PDE1A: variants seen among roughly 807,000 people sequenced by gnomAD.
PDE1A encodes phosphodiesterase 1A.
PDE1A carries 35 observed loss-of-function variants against 61.7 expected under a neutral mutation model. The observed-to-expected ratio is 0.57, with a 90% CI of 0.43 to 0.75. PDE1A has a LOEUF of 0.75. PDE1A is among the 30% of genes least tolerant of loss of function. The probability of loss-of-function intolerance (pLI) is 0.00; values close to 1 mark genes in which losing one functional copy is unlikely to be tolerated. For missense variants in PDE1A, 597 were observed against 630.6 expected, an observed-to-expected ratio of 0.95 and a Z score of 0.57; for synonymous variants, 232 against 213.2, an observed-to-expected ratio of 1.09 and a Z score of -0.77.
chr2:182,345,720 T>A (rs864417), intron 1 of PDE1A, among the ~76,000 whole-genome samples: 62,717 of 151,934 alleles, frequency 0.41, 13,797 homozygotes, highest in African/African-American at 0.56. Context: ...AGGTTCTGTG[T>A]GGCTTGTTCC....
At chr2:182,616,989 T>G in the PDE1A span, among the ~76,000 whole-genome samples, 3 of 152,162 alleles carry the variant, frequency 2.0e-5, no homozygotes, top group Non-Finnish European at 4.4e-5. Context: ...ATTTAAAAGT[T>G]TTGTGGTGTG....
chr2:182,559,090 C>T, the PDE1A span, among the ~76,000 whole-genome samples: 2 of 152,184 alleles, frequency 1.3e-5, no homozygotes, highest in Non-Finnish European at 2.9e-5. Flanking sequence ...CAAATCATAT[C>T]ACCTTAATTT....
intron 12 of PDE1A, 97 bp downstream of exon 12, chr2:182,186,371 A>C: frequency 1.4e-6 from 2 of 1,399,784 alleles, no homozygotes; most frequent in Non-Finnish European, 2.0e-6. Context: ...AATTCTTGTG[A>C]GAATTCTCTG....
In PDE1A at chr2:182,353,586, T is replaced by C. The variant is rs142790193; in HGVS notation, c.53+72992A>G. Among the ~76,000 whole-genome samples, 495 of 152,246 alleles carry C rather than the reference T, an allele frequency of 3.3e-3. 5 individuals are homozygous for C. Among genetic ancestry groups the C allele is most frequent in the African/African-American group, 0.011 (478 of 41,578 alleles). On this transcript the variant is annotated intron_variant, in intron 1 of 13. Coordinates refer to ENST00000351439, the Ensembl canonical transcript of PDE1A. ...ACATAATTTTATAGTTCTAAATTCATGTCTACAGCATGCACAAATACACAT... is the reference window on the plus strand; with the variant it reads ...ACATAATTTTATAGTTCTAAATTCACGTCTACAGCATGCACAAATACACAT...
At chr2:182,190,170 A>C (rs1685570590) in intron 10 of PDE1A, among the ~76,000 whole-genome samples, 1 of 152,234 alleles carries the variant, frequency 6.6e-6, no homozygotes, top group African/African-American at 2.4e-5. Flanking sequence ...ATAGACAGAA[A>C]GTCTAGAATC....
rs565589231 is a variant in PDE1A at position 182,511,878 on chromosome 2, G to A, written c.101+10398C>T. ...TGACCATCAGAGAGCTTCTGCAGAT[G>A]GGCCCCTGCCAGTGCACACCCATCT... On this transcript the variant is annotated intron_variant, in intron 2 of 14. Transcript: ENST00000410103. Among the ~76,000 whole-genome samples, 42 of 152,220 alleles carry A rather than the reference G, an allele frequency of 2.8e-4. 3 individuals are homozygous for A. In the South Asian group the frequency reaches 8.5e-3, roughly 31 times the overall value.
the PDE1A span, among the ~76,000 whole-genome samples, chr2:182,592,461 T>C: frequency 1.3e-5 from 2 of 152,252 alleles, no homozygotes; most frequent in Non-Finnish European, 2.9e-5. Context: ...GGGGTGCATT[T>C]ACACTTGAAC....
intron 2 of PDE1A, among the ~76,000 whole-genome samples, chr2:182,490,224 T>TA (rs1688293148): frequency 6.6e-6 from 1 of 152,074 alleles, no homozygotes; most frequent in Admixed American, 6.6e-5. Flanking sequence ...AAGGGAGATA[T>TA]AAAAAAATTA....
intron 2 of PDE1A, among the ~76,000 whole-genome samples, chr2:182,494,896 G>C (rs185162621): frequency 2.0e-5 from 3 of 152,264 alleles, no homozygotes; most frequent in Middle Eastern, 3.4e-3. Flanking sequence ...TCTCTTGTGA[G>C]ATTCCCTTCT....
At chr2:182,645,815 G>T in the PDE1A span, among the ~76,000 whole-genome samples, 1 of 152,124 alleles carries the variant, frequency 6.6e-6, no homozygotes, top group Non-Finnish European at 1.5e-5. Context: ...CCAGCTTCTT[G>T]TTCCATAGTT....
chr2:182,645,182 T>C, the PDE1A span, among the ~76,000 whole-genome samples: 387 of 152,246 alleles, frequency 2.5e-3, 1 homozygote, highest in Non-Finnish European at 4.2e-3. Flanking sequence ...GAGATGGGGT[T>C]TCACCATGTT....
chr2:182,343,426 G>T (rs1559357508), intron 1 of PDE1A, among the ~76,000 whole-genome samples: 1 of 152,248 alleles, frequency 6.6e-6, no homozygotes, highest in Middle Eastern at 3.4e-3. Flanking sequence ...AAGGTTTTCA[G>T]ATGCCATAAG....
At chr2:182,305,803 T>G (rs1225122214) in intron 1 of PDE1A, among the ~76,000 whole-genome samples, 1 of 152,086 alleles carries the variant, frequency 6.6e-6, no homozygotes, top group African/African-American at 2.4e-5. Context: ...AAAGTGATAT[T>G]ATGATATAGG....
intron 2 of PDE1A, among the ~76,000 whole-genome samples, chr2:182,438,460 C>T (rs528378458): frequency 6.6e-6 from 1 of 151,640 alleles, no homozygotes; most frequent in South Asian, 2.1e-4. Flanking sequence ...AATTTTAATA[C>T]AATTAAGTGC....
intron 1 of PDE1A, among the ~76,000 whole-genome samples, chr2:182,341,722 A>G (rs1178591300): frequency 2.0e-5 from 3 of 152,188 alleles, no homozygotes; most frequent in African/African-American, 7.2e-5. Context: ...CACATGTGAC[A>G]CTTTCTTTGA....
chr2:182,393,382 C>CTT (rs76669011), intron 1 of PDE1A, among the ~76,000 whole-genome samples: 1 of 147,522 alleles, frequency 6.8e-6, no homozygotes, highest in Admixed American at 6.7e-5. Flanking sequence ...CCCACAGAAC[C>CTT]TTTTTTTTTT....
At chr2:182,646,706 G>A in the PDE1A span, among the ~76,000 whole-genome samples, 1 of 151,358 alleles carries the variant, frequency 6.6e-6, no homozygotes, top group Non-Finnish European at 1.5e-5. Flanking sequence ...AAAGAATTAA[G>A]CAAAGTCACC....
chr2:182,699,002 G>T, the PDE1A span, among the ~76,000 whole-genome samples: 2 of 152,138 alleles, frequency 1.3e-5, no homozygotes, highest in African/African-American at 4.8e-5. Flanking sequence ...CTAACATGAG[G>T]ATCAGGCAGT....
chr2:182,413,010 G>C (rs1313929741), intron 1 of PDE1A, among the ~76,000 whole-genome samples: 2 of 152,190 alleles, frequency 1.3e-5, no homozygotes, highest in African/African-American at 2.4e-5. Context: ...CGAGGACAGA[G>C]ACCAGTTCAG....
Sources: gnomAD v4.1 joint callset for allele counts (sites outside exome capture counted in the v4.1 genomes callset) on GRCh38, gnomAD v4.1.1 for gene constraint, MANE v1.5 for transcripts, NCBI Gene and HGNC (gene_info 2026-07-23, HGNC 2026-07-21) for gene names.